The following PLXDC2 variants were observed in gnomAD, a reference collection of about 807,000 sequenced individuals.
The protein encoded by PLXDC2 is plexin domain-containing protein 2.
In PLXDC2, 40 loss-of-function variants were observed where a neutral mutation model predicts 68.9. The observed-to-expected ratio is 0.58, with a 90% CI of 0.45 to 0.76. PLXDC2 has a LOEUF of 0.76. Ranked by LOEUF, PLXDC2 falls within the 30% of genes least tolerant of loss-of-function variation. The pLI is 0.00. For synonymous variants in PLXDC2, 243 were observed against 234.2 expected (o/e 1.04, Z -0.34); for missense variants, 644 against 661.9 (o/e 0.97, Z 0.30).
chr10:19,922,020 G>A (rs1055352611), intron 1 of PLXDC2, among the ~76,000 whole-genome samples: 4 of 152,062 alleles, frequency 2.6e-5, no homozygotes, highest in South Asian at 4.1e-4. Flanking sequence ...CACCATGCCC[G>A]ACTAATTTTT....
At chr10:20,239,443 C>A (rs1470152373) in intron 12 of PLXDC2, among the ~76,000 whole-genome samples, 1 of 152,150 alleles carries the variant, frequency 6.6e-6, no homozygotes, top group Non-Finnish European at 1.5e-5. Flanking sequence ...AGGAAACCTA[C>A]AATCATGGCA....
At chr10:20,260,037 A>T (rs1034691820) in intron 13 of PLXDC2, among the ~76,000 whole-genome samples, 1 of 152,244 alleles carries the variant, frequency 6.6e-6, no homozygotes, top group Non-Finnish European at 1.5e-5. Context: ...TCATTTACTT[A>T]GCAGATACTC....
At chr10:20,223,762 T>C (rs1835249770) in intron 12 of PLXDC2, among the ~76,000 whole-genome samples, 1 of 152,220 alleles carries the variant, frequency 6.6e-6, no homozygotes, top group African/African-American at 2.4e-5. Flanking sequence ...GTGTATTCAT[T>C]TCCATTTAAT....
intron 1 of PLXDC2, among the ~76,000 whole-genome samples, chr10:19,853,302 A>G (rs919410762): frequency 6.6e-6 from 1 of 152,206 alleles, no homozygotes; most frequent in Admixed American, 6.5e-5. Context: ...GAATGTGAAC[A>G]TTATTTTCTC....
At chr10:19,962,976 C>A (rs1458173983) in intron 1 of PLXDC2, among the ~76,000 whole-genome samples, 3 of 123,510 alleles carry the variant, frequency 2.4e-5, no homozygotes, top group African/African-American at 9.3e-5. Flanking sequence ...GGCGACAGAG[C>A]GAGACTACGT....
chr10:20,011,269 C>G (rs1589584398), intron 2 of PLXDC2, among the ~76,000 whole-genome samples: 1 of 152,230 alleles, frequency 6.6e-6, no homozygotes, highest in African/African-American at 2.4e-5. Flanking sequence ...CCTCCGTTCT[C>G]CTGGTGGCTC....
At chr10:19,874,167 A>C (rs1407618095) in intron 1 of PLXDC2, among the ~76,000 whole-genome samples, 1 of 152,240 alleles carries the variant, frequency 6.6e-6, no homozygotes, top group Non-Finnish European at 1.5e-5. Context: ...TGAAATCAGC[A>C]GCAAGTGTAG....
chr10:19,980,580 C>A (rs1834535859), intron 1 of PLXDC2, among the ~76,000 whole-genome samples: 1 of 152,118 alleles, frequency 6.6e-6, no homozygotes, highest in Admixed American at 6.5e-5. Flanking sequence ...TGGTTTGGGC[C>A]AGACATCTAT....
At chr10:19,943,510 C>T (rs1055470934) in intron 1 of PLXDC2, among the ~76,000 whole-genome samples, 1 of 152,172 alleles carries the variant, frequency 6.6e-6, no homozygotes, top group African/African-American at 2.4e-5. Context: ...AGTGCTTTAG[C>T]ACATAAGCAT....
intron 1 of PLXDC2, among the ~76,000 whole-genome samples, chr10:19,843,405 G>A (rs976725905): frequency 5.9e-5 from 9 of 151,744 alleles, no homozygotes; most frequent in Middle Eastern, 3.2e-3. Flanking sequence ...CCCTGTTATC[G>A]TAGGATTCCT....
intron 6 of PLXDC2, among the ~76,000 whole-genome samples, chr10:20,156,744 A>G (rs1015946424): frequency 6.6e-6 from 1 of 152,198 alleles, no homozygotes; most frequent in African/African-American, 2.4e-5. Flanking sequence ...GCATTGCTCA[A>G]TACCTGGCAG....
At chr10:20,179,117 A>G (rs952136194) in intron 9 of PLXDC2, among the ~76,000 whole-genome samples, 6 of 152,096 alleles carry the variant, frequency 3.9e-5, no homozygotes, top group African/African-American at 1.4e-4. Context: ...AAAATGTCCA[A>G]AGGAATTAAA....
chr10:19,875,591 G>C (rs977190328), intron 1 of PLXDC2, among the ~76,000 whole-genome samples: 1 of 152,216 alleles, frequency 6.6e-6, no homozygotes, highest in Non-Finnish European at 1.5e-5. Flanking sequence ...TGTATGGTGT[G>C]TGTGTGCACA....
chr10:20,217,624 T>TTG, intron 11 of PLXDC2, 48 bp downstream of exon 11: 1 of 1,207,454 alleles, frequency 8.3e-7, no homozygotes, highest in East Asian at 2.6e-5. Flanking sequence ...TTTTTTTTTT[T>TTG]CCCTGAAGGA....
chr10:20,060,106 C>T (rs1589609693), intron 3 of PLXDC2, among the ~76,000 whole-genome samples: 3 of 152,190 alleles, frequency 2.0e-5, no homozygotes, highest in African/African-American at 7.2e-5. Flanking sequence ...GATCACAGCT[C>T]ATTGCAGCCT....
In PLXDC2 at chr10:20,285,793, A is replaced by G. The variant is rs1308026947; in HGVS notation, c.*5974A>G. On this transcript the variant is annotated 3_prime_UTR_variant, in exon 14 of 14. Coordinates refer to ENST00000377252, the MANE Select transcript of PLXDC2 (RefSeq NM_032812.9). ...TGCACTTTAGGTGTGTGTGGTGGTT[A>G]TGTCATTTATTAGACCATCCCAGAC... 1.3e-5 allele frequency: 2 copies of G among 152,184 alleles called. No individual in the cohort carries two copies. Among genetic ancestry groups the G allele is most frequent in the Admixed American group, 1.3e-4 (2 of 15,278 alleles). The allele number at this position is 152,184 out of a possible 1,614,324, so 9.4% of individuals were successfully genotyped here.
chr10:20,095,978 A>T (rs1182022082), intron 4 of PLXDC2, among the ~76,000 whole-genome samples: 1 of 152,176 alleles, frequency 6.6e-6, no homozygotes, highest in Admixed American at 6.6e-5. Context: ...GTTAATGTTC[A>T]TTGAAATTCA....
intron 1 of PLXDC2, among the ~76,000 whole-genome samples, chr10:19,889,591 C>G (rs137949755): frequency 9.9e-4 from 151 of 152,300 alleles, no homozygotes; most frequent in African/African-American, 3.4e-3. Flanking sequence ...TATTTGCTTT[C>G]TTTTCCTTTC....
chr10:19,953,371 A>G (rs1834021053), intron 1 of PLXDC2, among the ~76,000 whole-genome samples: 1 of 152,178 alleles, frequency 6.6e-6, no homozygotes, highest in Admixed American at 6.5e-5. Context: ...GAGCCATTAG[A>G]ACTTGCAGAA....
Sources: gnomAD v4.1 joint callset for allele counts (sites outside exome capture counted in the v4.1 genomes callset) on GRCh38, gnomAD v4.1.1 for gene constraint, MANE v1.5 for transcripts, NCBI Gene and HGNC (gene_info 2026-07-23, HGNC 2026-07-21) for gene names.